GCNT2: variants seen among roughly 807,000 people sequenced by gnomAD.
GCNT2 encodes the protein glucosaminyl (N-acetyl) transferase 2 (I blood group), also known as N-acetyllactosaminide beta-1,6-N-acetylglucosaminyl-transferase.
A neutral mutation model predicts 34.2 loss-of-function variants in GCNT2; 34 were observed. The ratio of observed to expected loss-of-function variants is 1.00; its 90% CI spans 0.76 to 1.32. The LOEUF is 1.32. Among genes scored for constraint, GCNT2 ranks in the 40% most tolerant of loss-of-function variants. The pLI is 0.00. For synonymous variants in GCNT2, 212 were observed against 188.0 expected (o/e 1.13, Z -1.04); for missense variants, 584 against 489.4 (o/e 1.19, Z -1.82).
intron 3 of GCNT2, among the ~76,000 whole-genome samples, chr6:10,607,787 G>A (rs1197187134): frequency 2.6e-5 from 4 of 152,116 alleles, no homozygotes; most frequent in Non-Finnish European, 4.4e-5. Context: ...TGTACCGAGC[G>A]CCATTCAGAG....
At chr6:10,568,043 G>A (rs1014228590) in intron 3 of GCNT2, among the ~76,000 whole-genome samples, 5 of 152,114 alleles carry the variant, frequency 3.3e-5, no homozygotes, top group Non-Finnish European at 1.5e-5. Context: ...TTCAGAATTC[G>A]AGAAATGTTT....
chr6:10,535,403 C>T (rs759829137), intron 3 of GCNT2, among the ~76,000 whole-genome samples: 16 of 152,198 alleles, frequency 1.1e-4, no homozygotes, highest in East Asian at 1.9e-4. Context: ...TCCCCACTTC[C>T]GTCTTTTACC....
chr6:10,569,889 CTT>C (rs1763472912), intron 3 of GCNT2, among the ~76,000 whole-genome samples: 1 of 145,584 alleles, frequency 6.9e-6, no homozygotes, highest in African/African-American at 2.6e-5. Context: ...CTTTCTTTTT[CTT>C]TCTTTCCTTC....
chr6:10,526,610 C>T (rs1761200532), intron 1 of GCNT2, among the ~76,000 whole-genome samples: 1 of 152,106 alleles, frequency 6.6e-6, no homozygotes, highest in Admixed American at 6.5e-5. Context: ...GGCTGTGTTG[C>T]CTAGGCAGGT....
chr6:10,625,720 C>CT (rs1032986551), intron 4 of GCNT2, among the ~76,000 whole-genome samples: 3 of 152,118 alleles, frequency 2.0e-5, no homozygotes, highest in Admixed American at 6.6e-5. Context: ...GTAGGCCCCC[C>CT]TTATCCACGG....
At chr6:10,597,957 G>C (rs1207187720) in intron 3 of GCNT2, among the ~76,000 whole-genome samples, 1 of 152,198 alleles carries the variant, frequency 6.6e-6, no homozygotes, top group East Asian at 1.9e-4. Flanking sequence ...CTGTGTAAGA[G>C]AGGCTAGTGA....
intron 3 of GCNT2, among the ~76,000 whole-genome samples, chr6:10,570,277 G>A (rs1763500046): frequency 6.6e-6 from 1 of 152,320 alleles, no homozygotes; most frequent in South Asian, 2.1e-4. Flanking sequence ...AGCAATAAGT[G>A]GCAGAAGGCT....
chr6:10,593,509 T>A (rs984748228), intron 3 of GCNT2, among the ~76,000 whole-genome samples: 17 of 152,142 alleles, frequency 1.1e-4, no homozygotes, highest in African/African-American at 4.1e-4. Flanking sequence ...GGCTCATTTT[T>A]AAATTTTGTG....
At chr6:10,599,620 G>T (rs1005360851) in intron 3 of GCNT2, among the ~76,000 whole-genome samples, 2 of 152,160 alleles carry the variant, frequency 1.3e-5, no homozygotes, top group African/African-American at 4.8e-5. Context: ...AATGAAGACG[G>T]TAGCTTCCCC....
intron 3 of GCNT2, among the ~76,000 whole-genome samples, chr6:10,532,899 A>G (rs1049875822): frequency 7.5e-5 from 9 of 119,538 alleles, no homozygotes; most frequent in Admixed American, 2.7e-4. Flanking sequence ...TGATGTGTAT[A>G]TGTTGTGGTT....
At chr6:10,560,390 T>A (rs1341405148) in intron 3 of GCNT2, among the ~76,000 whole-genome samples, 1 of 152,190 alleles carries the variant, frequency 6.6e-6, no homozygotes, top group Non-Finnish European at 1.5e-5. Flanking sequence ...TGCGCCGGGC[T>A]GAGCTCTTCT....
chr6:10,579,714 G>A (rs563846489), intron 3 of GCNT2, among the ~76,000 whole-genome samples: 1 of 150,904 alleles, frequency 6.6e-6, no homozygotes, highest in Non-Finnish European at 1.5e-5. Flanking sequence ...TACTCGGGAG[G>A]TTGAGGCAAG....
intron 3 of GCNT2, among the ~76,000 whole-genome samples, chr6:10,562,356 A>G (rs1326336761): frequency 1.3e-5 from 2 of 152,130 alleles, no homozygotes; most frequent in African/African-American, 4.8e-5. Context: ...GGGGGACAAG[A>G]AATACTTTTT....
intron 3 of GCNT2, among the ~76,000 whole-genome samples, chr6:10,606,308 CCTT>C (rs1276231798): frequency 1.3e-5 from 2 of 152,146 alleles, no homozygotes; most frequent in East Asian, 3.9e-4. Flanking sequence ...GAGTGAGGCT[CCTT>C]CTTGTCAGGT....
Position 10,528,766 on chromosome 6 carries a change from G to C in GCNT2, c.-146G>C, listed in dbSNP as rs761062511. On this transcript the variant is annotated 5_prime_UTR_variant, in exon 3 of 5. Transcript: ENST00000495262. Reference sequence around the variant, plus strand: ...AGAAGAAAGAAAAAGGACCAGAACCGTGAACTGAAGGGACAGGGAACAGCC... The same window carrying C: ...AGAAGAAAGAAAAAGGACCAGAACCCTGAACTGAAGGGACAGGGAACAGCC... 2.9e-5 allele frequency: 21 copies of C among 719,678 alleles called. No individual in the cohort carries two copies. Among genetic ancestry groups the C allele is most frequent in the Non-Finnish European group, 3.7e-5 (15 of 402,124 alleles). The allele number at this position is 719,678 out of a possible 1,614,324, so 44.6% of individuals were successfully genotyped here. A position where few individuals can be genotyped will look rare whatever the true frequency, so the allele number is the denominator to read the frequency against.
Position 10,529,775 on chromosome 6 carries a change from CT to C in GCNT2, c.865del (p.Trp289GlyfsTer14). 1 of 1,614,204 alleles carries C rather than the reference CT, an allele frequency of 6.2e-7. No homozygotes were observed. The highest frequency in any genetic ancestry group is 1.3e-5 in the African/African-American group (1 of 75,058). Reference sequence around the variant, plus strand: ...ACCAGCTCGCACTTGACTTACTCTCCTGGTCCAAGGACACCTACAGCCCCGA... The same window carrying C: ...ACCAGCTCGCACTTGACTTACTCTCCGGTCCAAGGACACCTACAGCCCCGA... The part of the protein sequence containing the change: ...QDQLALDLLS[W>X]SKDTYSPDEH... On this transcript the variant is annotated frameshift_variant, in exon 3 of 5. Transcript: ENST00000495262. LOFTEE classifies it high-confidence loss of function.
chr6:10,590,258 G>A (rs555107079), intron 3 of GCNT2, among the ~76,000 whole-genome samples: 1 of 152,136 alleles, frequency 6.6e-6, no homozygotes, highest in East Asian at 1.9e-4. Flanking sequence ...AATTAGCTGG[G>A]CATAGTGGTG....
intron 3 of GCNT2, among the ~76,000 whole-genome samples, chr6:10,613,239 A>G (rs2093680803): frequency 6.6e-6 from 1 of 152,244 alleles, no homozygotes; most frequent in Non-Finnish European, 1.5e-5. Context: ...TTATTTGACT[A>G]AGAAAGGCTG....
intron 3 of GCNT2, chr6:10,556,845 T>A (rs1390374788): frequency 6.2e-7 from 1 of 1,614,108 alleles, no homozygotes; most frequent in Non-Finnish European, 8.5e-7. Flanking sequence ...GTAGAGCAAC[T>A]ATTAAGCTGC....
Sources: gnomAD v4.1 joint callset for allele counts (sites outside exome capture counted in the v4.1 genomes callset) on GRCh38, gnomAD v4.1.1 for gene constraint, MANE v1.5 for transcripts, NCBI Gene and HGNC (gene_info 2026-07-23, HGNC 2026-07-21) for gene names.